Variants in TBC1D5 observed in about 807,000 individuals in gnomAD.
TBC1D5 encodes the protein TBC1 domain family, member 5.
TBC1D5 carries 75 observed loss-of-function variants against 100.3 expected under a neutral mutation model. That is an observed-to-expected ratio of 0.75 (90% confidence interval 0.62 to 0.91). TBC1D5 has a LOEUF of 0.91. Ranked by LOEUF, TBC1D5 falls within the 40% of genes least tolerant of loss-of-function variation. The probability of loss-of-function intolerance (pLI) is 0.00; values close to 1 mark genes in which losing one functional copy is unlikely to be tolerated. For missense variants in TBC1D5, 910 were observed against 942.4 expected, an observed-to-expected ratio of 0.97 and a Z score of 0.45; for synonymous variants, 323 against 325.6, an observed-to-expected ratio of 0.99 and a Z score of 0.09.
At chr3:17,577,694 C>T (rs2096666181) in intron 2 of TBC1D5, among the ~76,000 whole-genome samples, 1 of 151,856 alleles carries the variant, frequency 6.6e-6, no homozygotes, top group Admixed American at 6.6e-5. Flanking sequence ...TTAAAAATTT[C>T]TAAATACAAG....
intron 18 of TBC1D5, among the ~76,000 whole-genome samples, chr3:17,206,522 G>A (rs1182423620): frequency 1.3e-5 from 2 of 152,062 alleles, no homozygotes; most frequent in South Asian, 4.1e-4. Flanking sequence ...ATTTTGTCAC[G>A]ATAAAGAATA....
intron 18 of TBC1D5, among the ~76,000 whole-genome samples, chr3:17,207,151 G>C (rs1194700315): frequency 6.6e-6 from 1 of 152,026 alleles, no homozygotes; most frequent in Non-Finnish European, 1.5e-5. Context: ...TGTTGCCTAG[G>C]CTGAGAATTT....
chr3:17,392,473 A>G (rs1289642379), intron 8 of TBC1D5, among the ~76,000 whole-genome samples: 1 of 152,028 alleles, frequency 6.6e-6, no homozygotes, highest in Non-Finnish European at 1.5e-5. Flanking sequence ...ACTTCAACCC[A>G]TCATCTACAT....
chr3:17,272,246 C>T (rs928455262), intron 15 of TBC1D5, among the ~76,000 whole-genome samples: 4 of 152,006 alleles, frequency 2.6e-5, no homozygotes, highest in Non-Finnish European at 5.9e-5. Context: ...ATGTGTTATA[C>T]AAGTATATAA....
At chr3:17,199,788 G>A (rs1397041194) in intron 18 of TBC1D5, among the ~76,000 whole-genome samples, 1 of 152,228 alleles carries the variant, frequency 6.6e-6, no homozygotes, top group African/African-American at 2.4e-5. Flanking sequence ...GGTAATCCTT[G>A]ATGTTGATCT....
At chr3:17,672,646 G>GA (rs1469399460) in intron 1 of TBC1D5, 1 of 152,152 alleles carries the variant, frequency 6.6e-6, no homozygotes, top group East Asian at 1.9e-4. Flanking sequence ...CTGTTGAAAA[G>GA]AAAAGCATGA....
chr3:17,531,089 C>T (rs1235406034), intron 2 of TBC1D5, among the ~76,000 whole-genome samples: 2 of 152,202 alleles, frequency 1.3e-5, no homozygotes, highest in Non-Finnish European at 2.9e-5. Flanking sequence ...AAAACCCCAT[C>T]ATCTCAGCCC....
chr3:17,218,708 C>T (rs993501893), intron 17 of TBC1D5, among the ~76,000 whole-genome samples: 2 of 152,006 alleles, frequency 1.3e-5, no homozygotes, highest in African/African-American at 4.8e-5. Flanking sequence ...ACTGGCTTTT[C>T]ATCACTTTGA....
chr3:17,691,772 G>A (rs920760479), intron 1 of TBC1D5, among the ~76,000 whole-genome samples: 1 of 150,806 alleles, frequency 6.6e-6, no homozygotes, highest in Non-Finnish European at 1.5e-5. Context: ...AGCCGAGATC[G>A]AGCCACTGCA....
At chr3:17,294,139 T>G (rs1459880514) in intron 14 of TBC1D5, among the ~76,000 whole-genome samples, 1 of 152,248 alleles carries the variant, frequency 6.6e-6, no homozygotes, top group Non-Finnish European at 1.5e-5. Flanking sequence ...CAGTTTTAAG[T>G]ATACTAGAAG....
intron 19 of TBC1D5, among the ~76,000 whole-genome samples, chr3:17,171,226 G>A (rs2067144106): frequency 6.6e-6 from 1 of 152,066 alleles, no homozygotes; most frequent in South Asian, 2.1e-4. Flanking sequence ...CCTAGAGCAC[G>A]CCATGGAGCC....
chr3:17,679,041 T>C (rs1156236831), intron 1 of TBC1D5, among the ~76,000 whole-genome samples: 2 of 150,050 alleles, frequency 1.3e-5, no homozygotes, highest in Admixed American at 1.3e-4. Context: ...TATTTCAACC[T>C]TTCCTAGGGC....
intron 13 of TBC1D5, among the ~76,000 whole-genome samples, chr3:17,335,397 A>G (rs1013672442): frequency 1.3e-5 from 2 of 152,090 alleles, no homozygotes; most frequent in Non-Finnish European, 2.9e-5. Flanking sequence ...GCCCTAAATC[A>G]TCTCCTATCT....
At chr3:17,610,205 G>T (rs1480942698) in intron 2 of TBC1D5, among the ~76,000 whole-genome samples, 1 of 151,400 alleles carries the variant, frequency 6.6e-6, no homozygotes, top group Non-Finnish European at 1.5e-5. Flanking sequence ...TTCTTTTTGA[G>T]GTAGAGTCTC....
intron 2 of TBC1D5, among the ~76,000 whole-genome samples, chr3:17,536,494 T>A (rs898549070): frequency 4.6e-5 from 7 of 152,222 alleles, no homozygotes; most frequent in Admixed American, 4.6e-4. Context: ...CCATAACTTC[T>A]CATCATGTAA....
intron 13 of TBC1D5, among the ~76,000 whole-genome samples, chr3:17,336,048 G>C (rs1157475644): frequency 6.6e-6 from 1 of 151,920 alleles, no homozygotes; most frequent in Non-Finnish European, 1.5e-5. Flanking sequence ...ATAAGGAATG[G>C]GGCTAACAGT....
intron 17 of TBC1D5, among the ~76,000 whole-genome samples, chr3:17,224,147 A>G (rs1392861102): frequency 1.3e-5 from 2 of 152,174 alleles, no homozygotes; most frequent in African/African-American, 2.4e-5. Flanking sequence ...TTCAATTACT[A>G]GTGTTCCTGC....
intron 1 of TBC1D5, 120 bp from the exon 2 acceptor site, chr3:17,624,033 A>G (rs2062874471): frequency 6.6e-6 from 1 of 152,222 alleles, no homozygotes; most frequent in Non-Finnish European, 1.5e-5. Flanking sequence ...TGTACATACT[A>G]AAGCTAATAA....
intron 18 of TBC1D5, among the ~76,000 whole-genome samples, chr3:17,211,758 G>T (rs982642355): frequency 6.6e-6 from 1 of 152,060 alleles, no homozygotes; most frequent in African/African-American, 2.4e-5. Context: ...CTTATTCTTT[G>T]AGGGTTTATC....
Sources: allele counts gnomAD v4.1 joint callset (sites outside exome capture counted in the v4.1 genomes callset), GRCh38; gene constraint gnomAD v4.1.1; transcripts MANE v1.5; gene names NCBI Gene and HGNC (gene_info 2026-07-23, HGNC 2026-07-21).